HHATL: variants seen among roughly 807,000 people sequenced by gnomAD.
HHATL encodes hedgehog acyltransferase like, also known as protein-cysteine N-palmitoyltransferase HHAT-like protein.
HHATL carries 49 observed loss-of-function variants against 59.7 expected under a neutral mutation model. The ratio of observed to expected loss-of-function variants is 0.82; its 90% confidence interval spans 0.65 to 1.04. The LOEUF is 1.04. Ranked by LOEUF, HHATL falls within the 50% of genes least tolerant of loss-of-function variation. The probability of loss-of-function intolerance (pLI) is 0.00; values close to 1 mark genes in which losing one functional copy is unlikely to be tolerated. For synonymous variants in HHATL, 238 were observed against 257.3 expected, an observed-to-expected ratio of 0.93 and a Z score of 0.72; for missense variants, 605 against 650.8, an observed-to-expected ratio of 0.93 and a Z score of 0.77.
chr3:42,699,206 AGCTGGAACCTGGGC>A, intron 3 of HHATL, 61 bp from the exon 4 acceptor site: 2 of 1,179,540 alleles, frequency 1.7e-6, no homozygotes, highest in Non-Finnish European at 2.5e-6. Flanking sequence ...GGACAGGACG[AGCTGGAACCTGGGC>A]TGGTCAGAGC....
At chr3:42,693,873 G>C in intron 9 of HHATL, 55 bp from the exon 10 acceptor site, 3 of 1,448,950 alleles carry the variant, frequency 2.1e-6, no homozygotes, top group Non-Finnish European at 2.9e-6. Context: ...GCAGGGATGA[G>C]ATGGGAGAGG....
chr3:42,695,528 G>T (rs1384385472), intron 9 of HHATL, among the ~76,000 whole-genome samples: 1 of 152,130 alleles, frequency 6.6e-6, no homozygotes, highest in African/African-American at 2.4e-5. Flanking sequence ...CTAGTCAGCT[G>T]CTTCTCCCTT....
rs145311353 is a variant in HHATL, at chr3:42,699,102, C to T, written c.218G>A (p.Arg73His). ...FEWVMWFTSFRNVIIFALSGH... is the reference protein window; with the variant it reads ...FEWVMWFTSFHNVIIFALSGH... ...GGAGAGGGCAAAGATGATGACGTTG[C>T]GAAAGGAGGTGAACCACATCACCCA... The change falls in exon 4 of 12, where the codon CGC (arginine) becomes CAC (histidine). Residue 73 changes from arginine (R) to histidine (H), a missense_variant. Coordinates refer to ENST00000441594, the MANE Select transcript of HHATL (RefSeq NM_020707.4). 4.4e-4 allele frequency: 707 copies of T among 1,613,830 alleles called. No individual in the cohort carries two copies. Among genetic ancestry groups the T allele is most frequent in the Non-Finnish European group, 5.8e-4 (687 of 1,179,990 alleles).
rs1233334859 is a variant in HHATL at position 42,701,263 on chromosome 3, G to T, written c.-13-424C>A. The T allele has an allele frequency of 5.8e-6, 1 of 171,070 alleles. No homozygotes were observed. Among genetic ancestry groups the T allele is most frequent in the Non-Finnish European group, 1.3e-5 (1 of 79,202 alleles). 10.6% of individuals were successfully genotyped at this position (171,070 alleles called of 1,614,324 possible). On this transcript the variant is annotated intron_variant, in intron 1 of 11. Transcript: ENST00000441594. This position sits in a 1 kb window ranked among gnomAD's most constrained non-coding sequence, Gnocchi z 5.1. ...CTGCAGGGTCCCCACCTCGATCAGT[G>T]AGTCTCCCTTAGCTCCTCACAAAGC...
At chr3:42,697,342 G>C (rs138322299) in intron 7 of HHATL, among the ~76,000 whole-genome samples, 166 bp downstream of exon 7, 2,519 of 152,326 alleles carry the variant, frequency 0.017, 83 homozygotes, top group African/African-American at 0.056. Flanking sequence ...ACAGGATGAA[G>C]CTAATGCCAA....
At chr3:42,698,545 T>G (rs543337850) in intron 5 of HHATL, among the ~76,000 whole-genome samples, 163 bp downstream of exon 5, 10 of 152,368 alleles carry the variant, frequency 6.6e-5, no homozygotes, top group Admixed American at 6.5e-4. Context: ...TAGTTCCTCC[T>G]GTGATGCAGG....
At chr3:42,698,414 T>C in intron 5 of HHATL, 63 bp from the exon 6 acceptor site, 1 of 1,471,290 alleles carries the variant, frequency 6.8e-7, no homozygotes, top group East Asian at 2.3e-5. Context: ...GAAAACCTAT[T>C]CCCCACTCCC....
chr3:42,702,201 TG>T (rs1698027057), intron 1 of HHATL, among the ~76,000 whole-genome samples: 1 of 152,032 alleles, frequency 6.6e-6, no homozygotes, highest in Non-Finnish European at 1.5e-5. Flanking sequence ...ATCAGTTGGG[TG>T]GGGGTGGAGA....
chr3:42,696,602 G>A (rs369081131), intron 9 of HHATL, among the ~76,000 whole-genome samples: 8 of 152,100 alleles, frequency 5.3e-5, no homozygotes, highest in South Asian at 2.1e-4. Flanking sequence ...TCATGGCCAC[G>A]TCCTGTTCAG....
Position 42,702,772 on chromosome 3 carries a change from C to T in HHATL, c.-207G>A, listed in dbSNP as rs1176125623. 2.6e-5 allele frequency: 4 copies of T among 153,718 alleles called. No homozygotes were observed. The highest frequency in any genetic ancestry group is 7.3e-5 in the African/African-American group (3 of 41,336). The allele number at this position is 153,718 out of a possible 1,614,324, so 9.5% of individuals were successfully genotyped here. On this transcript the variant is annotated 5_prime_UTR_variant, in exon 1 of 12. Coordinates refer to ENST00000441594, the MANE Select transcript of HHATL (RefSeq NM_020707.4). ...GAGGAGGAGGGGGAGGAGGAGGTGG[C>T]CTTCCTGGAGCGGAGCTGAGCAGAG...
chr3:42,693,841 G>T, intron 9 of HHATL, 23 bp from the exon 10 acceptor site: 2 of 1,594,456 alleles, frequency 1.3e-6, no homozygotes, highest in South Asian at 1.1e-5. Context: ...TGGGAGAAGG[G>T]CCACTGGGAG....
At chr3:42,700,879 C>A (rs1697942694) in intron 1 of HHATL, 40 bp from the exon 2 acceptor site, 1 of 1,393,248 alleles carries the variant, frequency 7.2e-7, no homozygotes, top group South Asian at 1.2e-5. Flanking sequence ...CAGTCTCCAG[C>A]CAAGCCTAGC....
At chr3:42,694,094 A>G in intron 9 of HHATL, 1 of 478,600 alleles carries the variant, frequency 2.1e-6, no homozygotes, top group Non-Finnish European at 3.8e-6. Flanking sequence ...TGACCCCTAA[A>G]TCTGTGTCTT....
rs1377271459 is a variant in HHATL at position 42,701,872 on chromosome 3, C to T, written c.-14+707G>A. On this transcript the variant is annotated intron_variant, in intron 1 of 11. Transcript: ENST00000441594. This position sits in a 1 kb window ranked among gnomAD's most constrained non-coding sequence, Gnocchi z 5.1. ...TTGGGCTGACGGGGCCAAGAGGTGGCTGATGTGGCCCTTTTGCCCACCCTT... is the reference window on the plus strand; with the variant it reads ...TTGGGCTGACGGGGCCAAGAGGTGGTTGATGTGGCCCTTTTGCCCACCCTT... Among the ~76,000 whole-genome samples, 2 of 152,202 alleles carry T rather than the reference C, an allele frequency of 1.3e-5. No individual in the cohort carries two copies. Among genetic ancestry groups the T allele is most frequent in the Non-Finnish European group, 2.9e-5 (2 of 68,034 alleles).
intron 9 of HHATL, 56 bp downstream of exon 9, chr3:42,696,786 C>T: frequency 6.3e-7 from 1 of 1,595,108 alleles, no homozygotes; most frequent in Non-Finnish European, 8.6e-7. Context: ...TTGGCACTGC[C>T]CTGCTCAGAC....
In HHATL at chr3:42,696,541, T is replaced by C. The variant is rs1292003337; in HGVS notation, c.1046+301A>G. Among the ~76,000 whole-genome samples, 3 of 152,152 alleles carry C rather than the reference T, an allele frequency of 2.0e-5. No individual in the cohort carries two copies. In the East Asian group the frequency reaches 5.8e-4, roughly 29 times the overall value. ...GAAACTGCCCTCCATCCTCCCAGGC[T>C]GCAGACAGCAATTTGAGCGTCATCT... On this transcript the variant is annotated intron_variant, in intron 9 of 11. Transcript: ENST00000441594.
rs146426905 is a variant in HHATL at position 42,697,562 on chromosome 3, G to T, written c.811C>A (p.Leu271Ile). 5 of 1,614,020 alleles carry T rather than the reference G, an allele frequency of 3.1e-6. No homozygotes were observed. The African/African-American group carries it at 6.7e-5, about 22-fold the overall frequency. ...VDIFFHFFYI[L>I]TIPSDLKFAN... ...AACTTGAGGTCGCTGGGGATAGTGA[G>T]GATGTAGAAGAAGTGAAAGAAGATG... is the stretch of plus-strand genomic sequence containing the variant. The change falls in exon 7 of 12, where the codon CTC becomes ATC. Residue 271 changes from leucine (L) to isoleucine (I), a missense_variant. Coordinates refer to ENST00000441594, the MANE Select transcript of HHATL (RefSeq NM_020707.4).
chr3:42,693,340 GC>G, intron 10 of HHATL, 122 bp from the exon 11 acceptor site: 3 of 1,270,194 alleles, frequency 2.4e-6, no homozygotes, highest in Non-Finnish European at 3.3e-6. Context: ...GTCTCGGAGA[GC>G]CCCAGGTCAG....
rs200065074 is a variant in HHATL, at chr3:42,698,931, G to A, written c.289-29C>T. The A allele has an allele frequency of 2.5e-4, 399 of 1,604,194 alleles. No homozygotes were observed. The African/African-American group carries it at 3.2e-3, about 13-fold the overall frequency. ...TGGGCAGGGAGAAGGCTTCAGTTTC[G>A]CCATATAAATGGGGGCGTGACCCCA... On this transcript the variant is annotated intron_variant, in intron 4 of 11. Coordinates refer to ENST00000441594, the MANE Select transcript of HHATL (RefSeq NM_020707.4).
Sources: gnomAD v4.1 joint callset for allele counts (sites outside exome capture counted in the v4.1 genomes callset) on GRCh38, gnomAD v4.1.1 for gene constraint, Gnocchi (gnomAD v3.1) non-coding constraint, MANE v1.5 for transcripts, NCBI Gene and HGNC (gene_info 2026-07-23, HGNC 2026-07-21) for gene names.